The following REV3L variants were observed in gnomAD, a reference collection of about 807,000 sequenced individuals.
REV3L encodes the protein REV3 like, DNA directed polymerase zeta catalytic subunit.
Under a neutral mutation model 299.4 loss-of-function variants are expected in REV3L, and 69 were observed. That is an observed-to-expected ratio of 0.23 (90% CI 0.19 to 0.28). REV3L has a LOEUF of 0.28. REV3L is among the 10% of genes least tolerant of loss of function. The pLI is 1.00. For synonymous variants in REV3L, 1,238 were observed against 1,271.4 expected (o/e 0.97, Z 0.56); for missense variants, 3,128 against 3,693.8 (o/e 0.85, Z 3.97).
chr6:111,346,338 A>C (rs1777016476), intron 20 of REV3L, among the ~76,000 whole-genome samples: 1 of 152,204 alleles, frequency 6.6e-6, no homozygotes, highest in Admixed American at 6.5e-5. Flanking sequence ...CAGTCAACAA[A>C]TATCTAATAA....
intron 1 of REV3L, among the ~76,000 whole-genome samples, chr6:111,434,174 C>T (rs1217260704): frequency 6.6e-6 from 1 of 152,104 alleles, no homozygotes; most frequent in African/African-American, 2.4e-5. Flanking sequence ...CAATGTAATA[C>T]TGGAAGTCCT....
chr6:111,341,036 CAGCTTTTTTTTTTTTT>C (rs1776426145), intron 21 of REV3L, among the ~76,000 whole-genome samples: 1 of 99,946 alleles, frequency 1.0e-5, no homozygotes, highest in Admixed American at 1.2e-4. Flanking sequence ...AATTTCTCCT[CAGCTTTTTTTTTTTTT>C]TTGAGATGGA....
chr6:111,446,333 T>G (rs1450490609), intron 1 of REV3L, among the ~76,000 whole-genome samples: 1 of 152,186 alleles, frequency 6.6e-6, no homozygotes, highest in African/African-American at 2.4e-5. Context: ...TAAAGGTGGT[T>G]CCTATTAATA....
chr6:111,446,488 G>C (rs890130947), intron 1 of REV3L, among the ~76,000 whole-genome samples: 1 of 152,098 alleles, frequency 6.6e-6, no homozygotes, highest in African/African-American at 2.4e-5. Flanking sequence ...TGGATCACCT[G>C]AGGTCAGGAG....
At chr6:111,470,174 T>TCACACACA (rs6149753) in intron 1 of REV3L, among the ~76,000 whole-genome samples, 9 of 150,372 alleles carry the variant, frequency 6.0e-5, no homozygotes, top group Non-Finnish European at 8.9e-5. Flanking sequence ...TTACTATCTC[T>TCACACACA]CACACACACA....
At chr6:111,418,275 G>T (rs1784972215) in intron 1 of REV3L, among the ~76,000 whole-genome samples, 1 of 152,126 alleles carries the variant, frequency 6.6e-6, no homozygotes, top group African/African-American at 2.4e-5. Context: ...AATTCCTAAG[G>T]TATTTGTTTT....
chr6:111,428,379 A>C (rs961415324), intron 1 of REV3L, among the ~76,000 whole-genome samples: 1 of 152,200 alleles, frequency 6.6e-6, no homozygotes, highest in South Asian at 2.1e-4. Flanking sequence ...TACAAAAAAA[A>C]CCAAACAGAA....
chr6:111,315,274 A>G lies in REV3L; in HGVS notation c.8459T>C (p.Phe2820Ser). The G allele has an allele frequency of 6.2e-7, 1 of 1,613,530 alleles. No homozygotes were observed. The highest frequency in any genetic ancestry group is 8.5e-7 in the Non-Finnish European group (1 of 1,179,582). Residue 2820 changes from phenylalanine (F) to serine (S), a missense_variant, in exon 27 of 32, where the codon TTT (phenylalanine) becomes TCT (serine). Around this residue, in one of 9 missense-constraint regions of REV3L, gnomAD observed 37 missense variants for 100.1 expected, o/e 0.37. Transcript: ENST00000368802. ...ATNPKPVKLK[F>S]EKVYLPCVLQ... ...ATATTACATTCCTCTTACCTTTTCA[A>G]ACTTCAATTTCACTGGTTTAGGATT...
chr6:111,349,212 A>G lies in REV3L; in HGVS notation c.7419+6T>C, dbSNP rs1317854864. On this transcript the variant is annotated splice_donor_region_variant and intron_variant, in intron 20 of 31. Coordinates refer to ENST00000368802, the MANE Select transcript of REV3L (RefSeq NM_001372078.1). ...TTCTAAACAACATTTTGGATAAATC[A>G]CCCACCTCATTTCTCATGATTCTCC... The G allele has an allele frequency of 7.3e-7, 1 of 1,365,208 alleles. No homozygotes were observed. The highest frequency in any genetic ancestry group is 2.3e-5 in the East Asian group (1 of 43,658). 84.6% of individuals were successfully genotyped at this position (1,365,208 alleles called of 1,614,324 possible). A position where few individuals can be genotyped will look rare whatever the true frequency, so the allele number is the denominator to read the frequency against.
At position 111,430,990 on chromosome 6, in the gene REV3L, A is replaced by G. The variant is rs1582965809; in HGVS notation, c.140-14518T>C. 6.4e-6 allele frequency: 10 copies of G among 1,572,046 alleles called. 1 individual carries two copies. The East Asian group carries it at 8.9e-5, about 14-fold the overall frequency. The stretch of plus-strand genomic sequence containing the variant: ...GTGTGAATACTTTGCAGGGGTTCAA[A>G]GAGGACAAAAGAACAAAGTCACTCC... On this transcript the variant is annotated intron_variant, in intron 1 of 31. Coordinates refer to ENST00000368802, the MANE Select transcript of REV3L (RefSeq NM_001372078.1).
At chr6:111,418,425 T>A (rs1784985988) in intron 1 of REV3L, among the ~76,000 whole-genome samples, 1 of 152,178 alleles carries the variant, frequency 6.6e-6, no homozygotes, top group African/African-American at 2.4e-5. Context: ...ACTTTTCACA[T>A]CTCCTGTGAA....
intron 28 of REV3L, chr6:111,311,663 G>A (rs1462529467): frequency 6.5e-6 from 1 of 153,016 alleles, no homozygotes; most frequent in Non-Finnish European, 1.5e-5. Flanking sequence ...GAAACACAGA[G>A]AAGTTTAAAG....
chr6:111,425,300 C>CA (rs57598258), intron 1 of REV3L, among the ~76,000 whole-genome samples: 3,575 of 150,914 alleles, frequency 0.024, 141 homozygotes, highest in African/African-American at 0.082. Context: ...ACTAAAAATA[C>CA]AAAAAAAAAT....
At chr6:111,371,575 T>C (rs1180560835) in intron 13 of REV3L, among the ~76,000 whole-genome samples, 14 of 151,268 alleles carry the variant, frequency 9.3e-5, no homozygotes, top group Admixed American at 3.9e-4. Flanking sequence ...TTTTTTTTTT[T>C]CTGAGATGGA....
intron 1 of REV3L, chr6:111,430,927 T>G: frequency 6.3e-7 from 1 of 1,597,166 alleles, no homozygotes; most frequent in Non-Finnish European, 8.5e-7. Flanking sequence ...GCTACTGCCC[T>G]GTGAGACTGG....
chr6:111,405,667 GT>G (rs745839818), intron 3 of REV3L, 37 bp from the exon 4 acceptor site: 1 of 1,383,966 alleles, frequency 7.2e-7, no homozygotes, highest in African/African-American at 1.5e-5. Context: ...ATAAAATTAT[GT>G]TCCCTAAAAT....
intron 22 of REV3L, among the ~76,000 whole-genome samples, chr6:111,333,843 C>A (rs1277147028): frequency 6.6e-6 from 1 of 152,116 alleles, no homozygotes; most frequent in African/African-American, 2.4e-5. Flanking sequence ...TTTCCTATTC[C>A]TACGACTTTT....
intron 21 of REV3L, among the ~76,000 whole-genome samples, chr6:111,338,249 G>A (rs1554196363): frequency 7.9e-6 from 1 of 127,040 alleles, no homozygotes; most frequent in South Asian, 2.6e-4. Flanking sequence ...ACGATAATTT[G>A]TTTCGGAAAA....
chr6:111,300,220 A>G (rs970668328), intron 31 of REV3L, 64 bp from the exon 32 acceptor site: 16 of 1,304,206 alleles, frequency 1.2e-5, no homozygotes, highest in Admixed American at 2.5e-5. Context: ...GCAAACAACA[A>G]ATTTTTATAA....
Sources: allele counts gnomAD v4.1 joint callset (sites outside exome capture counted in the v4.1 genomes callset), GRCh38; gene constraint gnomAD v4.1.1; regional missense constraint gnomAD v4.1.1; transcripts MANE v1.5; gene names NCBI Gene and HGNC (gene_info 2026-07-23, HGNC 2026-07-21).